The following CNOT1 variants were observed in gnomAD, a reference collection of about 807,000 sequenced individuals.
CNOT1 encodes the protein CCR4-associated factor 1.
A neutral mutation model predicts 273.8 loss-of-function variants in CNOT1; 15 were observed. The observed-to-expected ratio is 0.05, with a 90% CI of 0.04 to 0.08. CNOT1 has a LOEUF of 0.08. CNOT1 is among the 10% of genes least tolerant of loss of function. CNOT1 has a pLI of 1.00. For missense variants in CNOT1, 1,644 were observed against 2,912.2 expected (o/e 0.56, Z 10.02); for synonymous variants, 1,022 against 1,005.5 (o/e 1.02, Z -0.31).
In CNOT1 at chr16:58,578,627, G is replaced by C. The variant is rs190841028; in HGVS notation, c.1584+72C>G. The C allele has an allele frequency of 1.0e-5, 16 of 1,550,766 alleles. No individual in the cohort carries two copies. In the East Asian group the frequency reaches 3.4e-4, roughly 33 times the overall value. ...GATGTAAAAAAAAATTTCTCTGGTT[G>C]AGCTTCCTCAACACTCCAAAGAAGA... On this transcript the variant is annotated intron_variant, in intron 13 of 48. Coordinates refer to ENST00000317147, the MANE Select transcript of CNOT1 (RefSeq NM_016284.5).
rs1057112607 is a variant in CNOT1, at chr16:58,534,204, G to A, written c.5838C>T (p.Leu1946=). Residue 1946 remains leucine (L), a synonymous_variant, in exon 40 of 49, where the codon CTC becomes CTT. Transcript: ENST00000317147. ...LDAFVRLIAL[L]VKHSGEATNT... is the part of the protein sequence containing the mutation. ...TGGTGGCCTCCCCTGAGTGTTTCAC[G>A]AGCAGTGCAATGAGTCGAACAAAGG... 8 of 1,614,008 alleles carry A rather than the reference G, an allele frequency of 5.0e-6. No individual in the cohort carries two copies. Among genetic ancestry groups the A allele is most frequent in the East Asian group, 2.2e-5 (1 of 44,896 alleles).
intron 39 of CNOT1, among the ~76,000 whole-genome samples, chr16:58,535,960 T>C (rs1390199161): frequency 6.6e-6 from 1 of 152,134 alleles, no homozygotes; most frequent in Non-Finnish European, 1.5e-5. Flanking sequence ...GGTCTCGATA[T>C]CCTGACCTCG....
chr16:58,539,183 A>C (rs2040001385), intron 35 of CNOT1, among the ~76,000 whole-genome samples: 1 of 151,976 alleles, frequency 6.6e-6, no homozygotes, highest in African/African-American at 2.4e-5. Flanking sequence ...AAATTATTGG[A>C]TCAACTTGTC....
At chr16:58,565,552 AT>A (rs1023756189) in intron 16 of CNOT1, among the ~76,000 whole-genome samples, 2 of 152,176 alleles carry the variant, frequency 1.3e-5, no homozygotes, top group Non-Finnish European at 2.9e-5. Context: ...CTTCAAAGCT[AT>A]TTTTCCCATT....
intron 1 of CNOT1, among the ~76,000 whole-genome samples, chr16:58,621,190 C>T (rs76120280): frequency 0.013 from 1,956 of 152,074 alleles, 45 homozygotes; most frequent in African/African-American, 0.045. Flanking sequence ...TGAAACTCCT[C>T]GGCTTAAGTG....
At chr16:58,600,430 A>G (rs1435638202) in intron 1 of CNOT1, among the ~76,000 whole-genome samples, 1 of 152,150 alleles carries the variant, frequency 6.6e-6, no homozygotes, top group East Asian at 1.9e-4. Context: ...TTTCTACTAT[A>G]CCCTTTGGAA....
chr16:58,548,615 C>T (rs2040339981), intron 25 of CNOT1: 1 of 519,024 alleles, frequency 1.9e-6, no homozygotes, highest in Non-Finnish European at 3.8e-6. Flanking sequence ...TTCCCATCCA[C>T]AGGTTTAAAT....
intron 3 of CNOT1, 109 bp downstream of exon 3, chr16:58,588,690 A>G (rs2041955819): frequency 7.7e-7 from 1 of 1,294,458 alleles, no homozygotes. Flanking sequence ...ATCCAGCTAC[A>G]ATCACTTCCG....
rs912403749 is a variant in CNOT1 at position 58,586,552 on chromosome 16, C to T, written c.630G>A (p.Leu210=). 22 of 1,610,200 alleles carry T rather than the reference C, an allele frequency of 1.4e-5. No individual in the cohort carries two copies. Among genetic ancestry groups the T allele is most frequent in the Middle Eastern group, 1.7e-4 (1 of 5,722 alleles). Residue 210 remains leucine, a synonymous_variant, in exon 7 of 49, where the codon CTG becomes CTA. Transcript: ENST00000317147. ...QEQIDAFLKT[L]RRDFPQERCP... Reference sequence around the variant, plus strand: ...CTACAAAGACTCCCTTACCTCTGCGCAGCGTCTTAAGAAAAGCGTCTATCT... The same window carrying T: ...CTACAAAGACTCCCTTACCTCTGCGTAGCGTCTTAAGAAAAGCGTCTATCT...
At chr16:58,554,706 T>G (rs1258906681) in intron 21 of CNOT1, among the ~76,000 whole-genome samples, 1 of 151,936 alleles carries the variant, frequency 6.6e-6, no homozygotes, top group Non-Finnish European at 1.5e-5. Flanking sequence ...GAGGCCGAGG[T>G]GGGTGGATCA....
chr16:58,607,510 T>G (rs923493255), intron 1 of CNOT1, among the ~76,000 whole-genome samples: 1 of 152,062 alleles, frequency 6.6e-6, no homozygotes. Context: ...GGCATTCACC[T>G]GAGGTCAGAA....
At chr16:58,540,829 A>G (rs1010787314) in intron 34 of CNOT1, among the ~76,000 whole-genome samples, 9 of 152,178 alleles carry the variant, frequency 5.9e-5, no homozygotes, top group Non-Finnish European at 1.5e-5. Flanking sequence ...CTTACTATCG[A>G]CCGGTTCGGG....
At chr16:58,620,672 A>G (rs1320521853) in intron 1 of CNOT1, among the ~76,000 whole-genome samples, 1 of 138,086 alleles carries the variant, frequency 7.2e-6, no homozygotes, top group Non-Finnish European at 1.6e-5. Context: ...AAAAAAAAAA[A>G]AAAAAGAGGA....
rs77300049 is a variant in CNOT1, at chr16:58,583,272, C to T, written c.807-90G>A. On this transcript the variant is annotated intron_variant, in intron 8 of 48. Transcript: ENST00000317147. Reference sequence around the variant, plus strand: ...GCATTAAATGAACCTTGTTTGAAAGCCTTAGTTTTACTAAATAAAACAGGC... The same window carrying T: ...GCATTAAATGAACCTTGTTTGAAAGTCTTAGTTTTACTAAATAAAACAGGC... 558 of 1,553,158 alleles carry T rather than the reference C, an allele frequency of 3.6e-4. 3 individuals carry two copies. In the African/African-American group the frequency reaches 7.0e-3, roughly 20 times the overall value.
chr16:58,535,091 TAAAC>T (rs1597411226), intron 39 of CNOT1, among the ~76,000 whole-genome samples: 2 of 151,788 alleles, frequency 1.3e-5, no homozygotes, highest in African/African-American at 2.4e-5. Flanking sequence ...CTCAACCCTT[TAAAC>T]AAACAAACAA....
rs1345737872 is a variant in CNOT1, at chr16:58,521,522, CTAAG to C, written c.6918-209_6918-206del. Among the ~76,000 whole-genome samples, 3 of 152,286 alleles carry C rather than the reference CTAAG, an allele frequency of 2.0e-5. No individual in the cohort carries two copies. In the East Asian group the frequency reaches 5.8e-4, roughly 29 times the overall value. On this transcript the variant is annotated intron_variant, in intron 47 of 48. Transcript: ENST00000317147. ...GAACCCTGCTCTTAGCCGTAGAAGA[CTAAG>C]TATTTATATAAAGTGCAGATAATGG... is the stretch of plus-strand genomic sequence containing the variant.
chr16:58,537,854 C>A lies in CNOT1; in HGVS notation c.5414+37G>T, dbSNP rs367778703. The A allele has an allele frequency of 1.9e-6, 3 of 1,610,028 alleles. No homozygotes were observed. The African/African-American group carries it at 4.0e-5, about 22-fold the overall frequency. On this transcript the variant is annotated intron_variant, in intron 38 of 48. Transcript: ENST00000317147. ...CATTCCTAAAGATATTAGAAGACTA[C>A]TAAATGCACAGGGATCTCAAAGCAT...
intron 10 of CNOT1, among the ~76,000 whole-genome samples, chr16:58,582,490 T>A (rs1053914725): frequency 5.9e-5 from 9 of 152,210 alleles, no homozygotes; most frequent in African/African-American, 2.2e-4. Flanking sequence ...TTCAATATTT[T>A]AGTAGAGGTA....
At chr16:58,537,546 A>G (rs1311309755) in intron 38 of CNOT1, among the ~76,000 whole-genome samples, 2 of 152,338 alleles carry the variant, frequency 1.3e-5, no homozygotes, top group East Asian at 1.9e-4. Flanking sequence ...TTGATTTCCA[A>G]TAGTTCTTTG....
Sources: gnomAD v4.1 joint callset for allele counts (sites outside exome capture counted in the v4.1 genomes callset) on GRCh38, gnomAD v4.1.1 for gene constraint, MANE v1.5 for transcripts, NCBI Gene and HGNC (gene_info 2026-07-23, HGNC 2026-07-21) for gene names.